Variants in NALF1 observed in about 807,000 individuals in gnomAD.
NALF1 encodes NALCN channel auxiliary factor 1.
NALF1 carries 3 observed loss-of-function variants against 48.4 expected under a neutral mutation model. That is an observed-to-expected ratio of 0.06 (90% confidence interval 0.03 to 0.16). The LOEUF is 0.16. NALF1 is among the 10% of genes least tolerant of loss of function. The probability of loss-of-function intolerance (pLI) is 1.00; values close to 1 mark genes in which losing one functional copy is unlikely to be tolerated. For synonymous variants in NALF1, 262 were observed against 245.7 expected, an observed-to-expected ratio of 1.07 and a Z score of -0.62; for missense variants, 526 against 571.5, an observed-to-expected ratio of 0.92 and a Z score of 0.81.
intron 2 of NALF1, among the ~76,000 whole-genome samples, chr13:107,173,720 C>T (rs111962269): frequency 6.2e-4 from 94 of 152,156 alleles, no homozygotes; most frequent in African/African-American, 2.0e-3. Context: ...CTCATGAGGG[C>T]GAATTTCCAA....
intron 1 of NALF1, among the ~76,000 whole-genome samples, chr13:107,439,265 T>G (rs1462587528): frequency 6.6e-6 from 1 of 152,216 alleles, no homozygotes; most frequent in Non-Finnish European, 1.5e-5. Context: ...CACATCCACC[T>G]GGCTGATGTT....
Position 107,210,539 on chromosome 13 carries a change from A to C in NALF1, c.1087+45T>G, listed in dbSNP as rs373379663. 6.2e-4 allele frequency: 863 copies of C among 1,401,122 alleles called. 1 individual carries two copies. The highest frequency in any genetic ancestry group is 8.3e-4 in the Non-Finnish European group (828 of 995,402). 86.8% of individuals were successfully genotyped at this position (1,401,122 alleles called of 1,614,324 possible). Reference sequence around the variant, plus strand: ...GCAAACAAACATCACACAAGAAAGCAAAACCACCGGAGACTGGTGTACAGA... The same window carrying C: ...GCAAACAAACATCACACAAGAAAGCCAAACCACCGGAGACTGGTGTACAGA... On this transcript the variant is annotated intron_variant, in intron 2 of 2. Coordinates refer to ENST00000375915, the MANE Select transcript of NALF1 (RefSeq NM_001080396.3).
rs1396353025 is a variant in NALF1 at position 107,865,736 on chromosome 13, G to C, written c.861C>G (p.His287Gln). Residue 287 changes from histidine (H) to glutamine (Q), a missense_variant, in exon 1 of 3, where the codon CAC becomes CAG. By Grantham distance (24) the His-to-Gln change is conservative. Coordinates refer to ENST00000375915, the MANE Select transcript of NALF1 (RefSeq NM_001080396.3). Reference protein sequence around the residue: ...EKYEEFESVLHKYLQSEEYSV... With the variant: ...EKYEEFESVLQKYLQSEEYSV... ...AGTACTCCTCCGACTGTAAATATTT[G>C]TGGAGCACGCTTTCAAACTCTTCGT... 1.2e-6 allele frequency: 2 copies of C among 1,614,016 alleles called. No homozygotes were observed. Among genetic ancestry groups the C allele is most frequent in the Non-Finnish European group, 1.7e-6 (2 of 1,180,006 alleles).
intron 1 of NALF1, among the ~76,000 whole-genome samples, chr13:107,264,373 G>T (rs1227964347): frequency 6.6e-6 from 1 of 152,200 alleles, no homozygotes; most frequent in Non-Finnish European, 1.5e-5. Flanking sequence ...ATTGGGAAAA[G>T]CATATGAGGT....
chr13:107,596,645 G>T (rs535155809), intron 1 of NALF1, among the ~76,000 whole-genome samples: 2 of 152,190 alleles, frequency 1.3e-5, no homozygotes, highest in South Asian at 4.1e-4. Context: ...TACAGGGAGA[G>T]GAACATCACA....
At chr13:107,688,033 A>C (rs1881478491) in intron 1 of NALF1, among the ~76,000 whole-genome samples, 1 of 152,244 alleles carries the variant, frequency 6.6e-6, no homozygotes, top group Admixed American at 6.5e-5. Flanking sequence ...CAACAATATT[A>C]ACTAAAAAAA....
chr13:107,791,781 C>T (rs114804447), intron 1 of NALF1, among the ~76,000 whole-genome samples: 31,498 of 143,718 alleles, frequency 0.22, 3,385 homozygotes, highest in East Asian at 0.34. Context: ...TGATCCCCGC[C>T]CCCCCCCGTC....
intron 1 of NALF1, among the ~76,000 whole-genome samples, chr13:107,225,552 C>T (rs1835279246): frequency 6.6e-6 from 1 of 151,854 alleles, no homozygotes. Context: ...ACTGGCATTA[C>T]AGGCGTGAAC....
intron 1 of NALF1, among the ~76,000 whole-genome samples, chr13:107,641,570 CAAAT>C (rs996129030): frequency 1.3e-5 from 2 of 152,036 alleles, no homozygotes; most frequent in African/African-American, 4.8e-5. Flanking sequence ...TTGGAAAAAA[CAAAT>C]AGAGATTTGG....
intron 1 of NALF1, among the ~76,000 whole-genome samples, chr13:107,349,709 C>G (rs1594131956): frequency 6.7e-6 from 1 of 149,594 alleles, no homozygotes; most frequent in African/African-American, 2.5e-5. Context: ...CCACTGCACT[C>G]CAGCCTGGCG....
At chr13:107,461,942 T>C (rs1884924935) in intron 1 of NALF1, among the ~76,000 whole-genome samples, 1 of 152,150 alleles carries the variant, frequency 6.6e-6, no homozygotes, top group Non-Finnish European at 1.5e-5. Flanking sequence ...CCCTTCTCAA[T>C]CATCTCAAAG....
chr13:107,437,801 T>TA (rs1165918499), intron 1 of NALF1, among the ~76,000 whole-genome samples: 3 of 152,212 alleles, frequency 2.0e-5, no homozygotes, highest in Non-Finnish European at 4.4e-5. Flanking sequence ...TTTGTCAAAA[T>TA]ACAGTATTAA....
At chr13:107,795,688 G>A (rs1878401227) in intron 1 of NALF1, among the ~76,000 whole-genome samples, 1 of 152,000 alleles carries the variant, frequency 6.6e-6, no homozygotes, top group Admixed American at 6.6e-5. Flanking sequence ...TAATACTATA[G>A]TTTATATAGC....
intron 1 of NALF1, among the ~76,000 whole-genome samples, chr13:107,269,545 T>G (rs538512135): frequency 6.8e-4 from 103 of 152,226 alleles, no homozygotes; most frequent in Non-Finnish European, 1.4e-3. Context: ...TATTTCTGTA[T>G]GTGAATTTCT....
chr13:107,503,640 C>T (rs771398350), intron 1 of NALF1, among the ~76,000 whole-genome samples: 4 of 151,972 alleles, frequency 2.6e-5, no homozygotes, highest in Admixed American at 6.6e-5. Flanking sequence ...TGTAAAGATA[C>T]CTGTATTCCT....
intron 1 of NALF1, among the ~76,000 whole-genome samples, chr13:107,440,045 C>G (rs562560068): frequency 1.3e-5 from 2 of 152,154 alleles, no homozygotes; most frequent in South Asian, 4.2e-4. Context: ...CTGATTTTGT[C>G]CATTATAACT....
At position 107,745,348 on chromosome 13, in the gene NALF1, T is replaced by C. The variant is rs1242175291; in HGVS notation, c.915+120334A>G. On this transcript the variant is annotated intron_variant, in intron 1 of 2. Transcript: ENST00000375915. ...TGTTTCCTGCACTAGCCTTGTGATA[T>C]TAGTCAAATTATAGACACCCCCTAG... Among the ~76,000 whole-genome samples the C allele has an allele frequency of 5.3e-5, 8 of 152,236 alleles. No individual in the cohort carries two copies. The South Asian group carries it at 1.5e-3, about 28-fold the overall frequency.
chr13:107,426,002 C>A (rs12430822), intron 1 of NALF1, among the ~76,000 whole-genome samples: 2 of 152,058 alleles, frequency 1.3e-5, no homozygotes, highest in African/African-American at 4.8e-5. Flanking sequence ...GTATTGGATA[C>A]CTCCTTTCTG....
intron 1 of NALF1, among the ~76,000 whole-genome samples, chr13:107,217,604 C>T (rs1191608902): frequency 6.6e-6 from 1 of 152,108 alleles, no homozygotes; most frequent in East Asian, 1.9e-4. Flanking sequence ...TCAAGCACTA[C>T]AAACTCTAAA....
Sources: gnomAD v4.1 joint callset for allele counts (sites outside exome capture counted in the v4.1 genomes callset) on GRCh38, gnomAD v4.1.1 for gene constraint, MANE v1.5 for transcripts, NCBI Gene and HGNC (gene_info 2026-07-23, HGNC 2026-07-21) for gene names.